The following CNBD1 variants were observed in gnomAD, a reference collection of about 807,000 sequenced individuals.
CNBD1 encodes the protein cyclic nucleotide binding domain containing 1, also known as cyclic nucleotide-binding domain-containing protein 1.
A neutral mutation model predicts 54.4 loss-of-function variants in CNBD1; 71 were observed. The ratio of observed to expected loss-of-function variants is 1.30; its 90% CI spans 1.08 to 1.59. The LOEUF is 1.59. CNBD1 is among the 40% of genes most tolerant of loss of function. The pLI, the probability that CNBD1 is intolerant of heterozygous loss-of-function variation, is 0.00. For synonymous variants in CNBD1, 182 were observed against 170.7 expected, an observed-to-expected ratio of 1.07 and a Z score of -0.51; for missense variants, 659 against 518.0, an observed-to-expected ratio of 1.27 and a Z score of -2.64.
intron 2 of CNBD1, among the ~76,000 whole-genome samples, chr8:87,414,986 A>G (rs1403736103): frequency 6.6e-6 from 1 of 151,956 alleles, no homozygotes; most frequent in Non-Finnish European, 1.5e-5. Context: ...GATGCTGCAG[A>G]TATGTTTCTT....
intron 4 of CNBD1, among the ~76,000 whole-genome samples, chr8:87,133,359 G>A (rs1265180981): frequency 6.6e-6 from 1 of 152,078 alleles, no homozygotes; most frequent in Non-Finnish European, 1.5e-5. Context: ...ATTTGCCTGT[G>A]TTTCTAAAAT....
chr8:86,921,224 A>G (rs1809266558), intron 3 of CNBD1, among the ~76,000 whole-genome samples: 1 of 152,080 alleles, frequency 6.6e-6, no homozygotes, highest in African/African-American at 2.4e-5. Context: ...AAATGTTTGA[A>G]CCATAGGCTC....
chr8:87,369,010 C>T (rs1810703402), intron 10 of CNBD1, among the ~76,000 whole-genome samples: 1 of 151,948 alleles, frequency 6.6e-6, no homozygotes, highest in South Asian at 2.1e-4. Flanking sequence ...CACTCTGCCT[C>T]CAGGATCCAT....
intron 4 of CNBD1, among the ~76,000 whole-genome samples, chr8:87,155,378 A>G (rs1001652765): frequency 6.6e-6 from 1 of 152,164 alleles, no homozygotes; most frequent in African/African-American, 2.4e-5. Flanking sequence ...GCAGTGTAGA[A>G]GATATATTAA....
At chr8:87,184,952 T>G (rs1440491254) in intron 4 of CNBD1, among the ~76,000 whole-genome samples, 2 of 152,220 alleles carry the variant, frequency 1.3e-5, no homozygotes, top group Non-Finnish European at 2.9e-5. Flanking sequence ...TAAAGTATTT[T>G]AAAATTATCT....
chr8:87,261,956 G>A (rs1382258940), intron 6 of CNBD1, among the ~76,000 whole-genome samples: 1 of 149,866 alleles, frequency 6.7e-6, no homozygotes, highest in Admixed American at 6.7e-5. Context: ...GACTAGTCTG[G>A]CCAACATGGC....
chr8:87,025,591 A>G (rs985806270), intron 4 of CNBD1, among the ~76,000 whole-genome samples: 5 of 151,964 alleles, frequency 3.3e-5, no homozygotes, highest in African/African-American at 9.7e-5. Flanking sequence ...AAGTCTGGAT[A>G]TGCCACCTGT....
chr8:87,241,268 A>ATTTTTTTTTTTTTTTTTTTT lies in CNBD1; in HGVS notation c.771+4160_771+4179dup, dbSNP rs34829455. On this transcript the variant is annotated intron_variant, in intron 6 of 10. Coordinates refer to ENST00000518476, the MANE Select transcript of CNBD1 (RefSeq NM_173538.3). The stretch of plus-strand genomic sequence containing the variant: ...GGGCACAAAAATCTGTATTTGGAAG[A>ATTTTTTTTTTTTTTTTTTTT]TTTTTTTTTTTTTTTTTTTTTTTGA... Among the ~76,000 whole-genome samples the ATTTTTTTTTTTTTTTTTTTT allele has an allele frequency of 1.5e-4, 14 of 93,856 alleles. 2 individuals are homozygous for ATTTTTTTTTTTTTTTTTTTT. The highest frequency in any genetic ancestry group is 5.9e-4 in the African/African-American group (12 of 20,508). The allele number at this position is 93,856 out of a possible 152,430, so 61.6% of individuals were successfully genotyped here.
At chr8:87,281,927 G>A (rs936871323) in intron 6 of CNBD1, among the ~76,000 whole-genome samples, 6 of 151,146 alleles carry the variant, frequency 4.0e-5, no homozygotes, top group African/African-American at 1.5e-4. Flanking sequence ...TCTTTTGTGT[G>A]TGAGTCATTT....
intron 6 of CNBD1, among the ~76,000 whole-genome samples, chr8:87,281,350 C>G (rs1014683016): frequency 1.3e-5 from 2 of 151,238 alleles, no homozygotes; most frequent in Middle Eastern, 3.4e-3. Context: ...AGCTCCATCA[C>G]TATCCCCTGA....
chr8:87,313,081 C>T (rs1330417769), intron 8 of CNBD1, among the ~76,000 whole-genome samples: 3 of 151,988 alleles, frequency 2.0e-5, no homozygotes. Flanking sequence ...TTAATCCACT[C>T]TTCACTCAGA....
Position 87,382,810 on chromosome 8 carries a change from C to A in CNBD1, c.*183C>A. ...TTCAAACACAGTTTTTATTAGCAGT[C>A]TTTCTTGGTTTGGATACTAAAATAA... On this transcript the variant is annotated 3_prime_UTR_variant, in exon 11 of 11. Transcript: ENST00000518476. The A allele has an allele frequency of 2.2e-6, 1 of 451,138 alleles. No individual in the cohort carries two copies. The highest frequency in any genetic ancestry group is 3.7e-5 in the Admixed American group (1 of 26,744). 27.9% of individuals were successfully genotyped at this position (451,138 alleles called of 1,614,324 possible).
chr8:87,207,649 GTTTA>G (rs1246835435), intron 5 of CNBD1, among the ~76,000 whole-genome samples: 7 of 151,748 alleles, frequency 4.6e-5, no homozygotes, highest in East Asian at 1.9e-4. Context: ...CTCACAATGT[GTTTA>G]TTTATTTGTT....
chr8:87,231,351 G>A (rs1259643410), intron 5 of CNBD1, among the ~76,000 whole-genome samples: 2 of 152,068 alleles, frequency 1.3e-5, no homozygotes, highest in African/African-American at 4.8e-5. Flanking sequence ...AGACAGAGAG[G>A]GGAGGGGAAG....
intron 4 of CNBD1, among the ~76,000 whole-genome samples, chr8:87,168,726 C>A (rs1813023397): frequency 6.6e-6 from 1 of 151,916 alleles, no homozygotes; most frequent in Non-Finnish European, 1.5e-5. Context: ...ACATAATGAC[C>A]TCCAGTTCCA....
At chr8:87,097,203 C>A (rs1228924838) in intron 4 of CNBD1, among the ~76,000 whole-genome samples, 1 of 152,116 alleles carries the variant, frequency 6.6e-6, no homozygotes, top group Admixed American at 6.6e-5. Context: ...TTAATCTTGG[C>A]TTTGATATCA....
rs529383654 is a variant in CNBD1, at chr8:87,002,757, C to G, written c.431+63003C>G. ...CTTATTTTTTTCTTTTTCCTTATCACTTATTACTAACATACTTATGTAATT... is the reference window on the plus strand; with the variant it reads ...CTTATTTTTTTCTTTTTCCTTATCAGTTATTACTAACATACTTATGTAATT... On this transcript the variant is annotated intron_variant, in intron 4 of 10. Transcript: ENST00000518476. Among the ~76,000 whole-genome samples, 10 of 152,098 alleles carry G rather than the reference C, an allele frequency of 6.6e-5. No individual in the cohort carries two copies. In the South Asian group the frequency reaches 2.1e-3, roughly 32 times the overall value.
At chr8:87,311,045 G>C (rs1001240767) in intron 8 of CNBD1, among the ~76,000 whole-genome samples, 1 of 152,046 alleles carries the variant, frequency 6.6e-6, no homozygotes, top group African/African-American at 2.4e-5. Context: ...CCTTGGGAAA[G>C]AATTTATGGC....
intron 8 of CNBD1, among the ~76,000 whole-genome samples, chr8:87,289,926 C>T (rs1333838756): frequency 6.6e-6 from 1 of 152,026 alleles, no homozygotes; most frequent in African/African-American, 2.4e-5. Flanking sequence ...ATGGTGATGC[C>T]TTTTTATTCC....
Sources: allele counts gnomAD v4.1 joint callset (sites outside exome capture counted in the v4.1 genomes callset), GRCh38; gene constraint gnomAD v4.1.1; transcripts MANE v1.5; gene names NCBI Gene and HGNC (gene_info 2026-07-23, HGNC 2026-07-21).